The following PUS7 variants were observed in gnomAD, a reference collection of about 807,000 sequenced individuals.
The protein encoded by PUS7 is pseudouridine synthase 7.
In PUS7, 48 loss-of-function variants were observed where a neutral mutation model predicts 79.8. The observed-to-expected ratio is 0.60, with a 90% CI of 0.48 to 0.76. PUS7 has a LOEUF of 0.76. Among genes scored for constraint, PUS7 ranks in the 30% least tolerant of loss-of-function variants. The pLI is 0.00. For missense variants in PUS7, 729 were observed against 797.6 expected, an observed-to-expected ratio of 0.91 and a Z score of 1.04; for synonymous variants, 286 against 272.2, an observed-to-expected ratio of 1.05 and a Z score of -0.50.
At chr7:105,518,321 T>A (rs527894583) in intron 1 of PUS7, among the ~76,000 whole-genome samples, 69 of 151,500 alleles carry the variant, frequency 4.6e-4, no homozygotes, top group Non-Finnish European at 1.6e-4. Flanking sequence ...AAAAAAAAAA[T>A]AAAATCCTTT....
chr7:105,482,529 A>T (rs1824367463), intron 7 of PUS7, 89 bp from the exon 8 acceptor site: 1 of 1,361,620 alleles, frequency 7.3e-7, no homozygotes, highest in Non-Finnish European at 1.0e-6. Flanking sequence ...CAGTACAGAA[A>T]ACAAGATACA....
At chr7:105,458,178 T>C (rs563934859) in intron 15 of PUS7, among the ~76,000 whole-genome samples, 6 of 152,212 alleles carry the variant, frequency 3.9e-5, no homozygotes, top group African/African-American at 1.4e-4. Context: ...GAGAAACGCA[T>C]GTAAAGTTAA....
chr7:105,509,133 G>A (rs13241966), intron 1 of PUS7, among the ~76,000 whole-genome samples: 1 of 118,048 alleles, frequency 8.5e-6, no homozygotes, highest in South Asian at 3.0e-4. Context: ...GCAGTGAGCA[G>A]AGATCGAGCC....
At chr7:105,459,362 TGTAA>T in intron 14 of PUS7, 103 bp from the exon 15 acceptor site, 2 of 627,074 alleles carry the variant, frequency 3.2e-6, no homozygotes, top group Non-Finnish European at 5.2e-6. Flanking sequence ...GTAAGTTTAC[TGTAA>T]ATAATTATAG....
intron 4 of PUS7, among the ~76,000 whole-genome samples, chr7:105,505,003 A>ATTTTTTTTTTTTTTTTT (rs112752687): frequency 5.7e-4 from 81 of 142,630 alleles, no homozygotes; most frequent in South Asian, 2.3e-3. Flanking sequence ...ATTTAACATA[A>ATTTTTTTTTTTTTTTTT]TTTTTTTTTT....
At chr7:105,472,308 C>T (rs1190905316) in intron 9 of PUS7, 115 bp from the exon 10 acceptor site, 2 of 618,022 alleles carry the variant, frequency 3.2e-6, no homozygotes, top group African/African-American at 3.8e-5. Flanking sequence ...CCTTGACCTC[C>T]CAGGCTCTAC....
chr7:105,487,411 T>C (rs1357175695), intron 7 of PUS7, among the ~76,000 whole-genome samples: 2 of 152,230 alleles, frequency 1.3e-5, no homozygotes, highest in Non-Finnish European at 2.9e-5. Context: ...TTTAAGTATA[T>C]ATCAGTATTT....
Position 105,457,833 on chromosome 7 carries a change from C to T in PUS7, c.1943G>A (p.Ser648Asn). Residue 648 changes from serine (S) to asparagine (N), a missense_variant, in exon 16 of 16, where the codon AGT becomes AAT. By Grantham distance (46) the Ser-to-Asn change is conservative. Coordinates refer to ENST00000469408, the MANE Select transcript of PUS7 (RefSeq NM_019042.5). The part of the protein sequence containing the change: ...AIREVLKMDT[S>N]IKNQTQLNTT... ...ATTCAGCTGCGTCTGGTTCTTGATA[C>T]TGGTATCCATTTTTAGCACTTCTCG... 6.2e-7 allele frequency: 1 copy of T among 1,614,154 alleles called. No individual in the cohort carries two copies. The highest frequency in any genetic ancestry group is 8.5e-7 in the Non-Finnish European group (1 of 1,180,012).
rs1825565739 is a variant in PUS7 at position 105,508,521 on chromosome 7, C to T, written c.-9G>A. ...ATTTCTGTCATCTCCATCTTTAAGG[C>T]TCCAAGAAAACATTTAAGAAAACCT... is the stretch of plus-strand genomic sequence containing the variant. On this transcript the variant is annotated 5_prime_UTR_variant, in exon 2 of 16. Transcript: ENST00000469408. The T allele has an allele frequency of 2.5e-6, 4 of 1,602,988 alleles. No homozygotes were observed. The highest frequency in any genetic ancestry group is 3.4e-6 in the Non-Finnish European group (4 of 1,175,258).
intron 7 of PUS7, among the ~76,000 whole-genome samples, chr7:105,491,148 CAGG>C (rs1430458977): frequency 5.3e-5 from 8 of 152,146 alleles, no homozygotes; most frequent in Non-Finnish European, 1.2e-4. Flanking sequence ...TATCTCACTG[CAGG>C]AGAAGTTCTG....
intron 11 of PUS7, chr7:105,470,319 T>C (rs1823822304): frequency 1.2e-5 from 2 of 165,002 alleles, no homozygotes; most frequent in Non-Finnish European, 2.6e-5. Flanking sequence ...AACTATAGAC[T>C]GCTTACTGTT....
intron 5 of PUS7, among the ~76,000 whole-genome samples, chr7:105,497,348 A>T (rs1156602554): frequency 6.6e-6 from 1 of 152,228 alleles, no homozygotes; most frequent in African/African-American, 2.4e-5. Flanking sequence ...ATGTACCAAA[A>T]TGCTATTTGT....
In PUS7 at chr7:105,470,844, T is replaced by A. The variant is rs751250288; in HGVS notation, c.1242A>T (p.Glu414Asp). ...DLILKPRSGA[E>D]KGYLVKCREE... ...CTCTGCATTTAACCAAGTAGCCCTT[T>A]TCAGCTGCGGGGGGAAAAAGCTAGG... is the stretch of plus-strand genomic sequence containing the variant. Residue 414 changes from glutamate to aspartate, a missense_variant, in exon 11 of 16, where the codon GAA becomes GAT. Glu to Asp is a conservative substitution (Grantham distance 45). Transcript: ENST00000469408. 4 of 1,584,006 alleles carry A rather than the reference T, an allele frequency of 2.5e-6. No individual in the cohort carries two copies. The East Asian group carries it at 6.8e-5, about 27-fold the overall frequency.
chr7:105,467,994 A>G (rs1823726617), intron 12 of PUS7, among the ~76,000 whole-genome samples: 1 of 151,454 alleles, frequency 6.6e-6, no homozygotes, highest in African/African-American at 2.4e-5. Context: ...GTGCAGTGGC[A>G]CCATCTTGGC....
At chr7:105,492,972 T>C (rs1034124038) in intron 6 of PUS7, among the ~76,000 whole-genome samples, 2 of 152,176 alleles carry the variant, frequency 1.3e-5, no homozygotes, top group African/African-American at 4.8e-5. Context: ...GTGTAAACAT[T>C]TGTGGCTATT....
At chr7:105,463,899 C>A (rs1452319548) in intron 13 of PUS7, among the ~76,000 whole-genome samples, 1 of 152,156 alleles carries the variant, frequency 6.6e-6, no homozygotes, top group Non-Finnish European at 1.5e-5. Flanking sequence ...CTATTTTGCA[C>A]AATTTGCAAA....
intron 6 of PUS7, among the ~76,000 whole-genome samples, chr7:105,493,084 C>A (rs995038800): frequency 1.3e-5 from 2 of 152,142 alleles, no homozygotes; most frequent in African/African-American, 4.8e-5. Flanking sequence ...TTACATAAGA[C>A]AGTGAAAGCA....
intron 9 of PUS7, among the ~76,000 whole-genome samples, chr7:105,474,070 G>A (rs1823983680): frequency 6.6e-6 from 1 of 152,052 alleles, no homozygotes; most frequent in African/African-American, 2.4e-5. Flanking sequence ...TTCTCATCTT[G>A]GAGTCATGTT....
At position 105,474,363 on chromosome 7, in the gene PUS7, T is replaced by G. The variant is rs188992507; in HGVS notation, c.1176-2170A>C. Among the ~76,000 whole-genome samples, 44 of 152,264 alleles carry G rather than the reference T, an allele frequency of 2.9e-4. 1 individual carries two copies. The East Asian group carries it at 8.1e-3, about 28-fold the overall frequency. ...GTCCTTAAATATAGTCCTGGGGTGA[T>G]AAATTATTTACTTGGATAATCTTTT... is the stretch of plus-strand genomic sequence containing the variant. On this transcript the variant is annotated intron_variant, in intron 9 of 15. Transcript: ENST00000469408.
Sources: allele counts gnomAD v4.1 joint callset (sites outside exome capture counted in the v4.1 genomes callset), GRCh38; gene constraint gnomAD v4.1.1; transcripts MANE v1.5; gene names NCBI Gene and HGNC (gene_info 2026-07-23, HGNC 2026-07-21).